TOMM20: variants seen among roughly 807,000 people sequenced by gnomAD.
TOMM20 encodes the protein translocase of outer mitochondrial membrane 20.
A neutral mutation model predicts 22.1 loss-of-function variants in TOMM20; 10 were observed. The ratio of observed to expected loss-of-function variants is 0.45; its 90% CI spans 0.28 to 0.77. The LOEUF is 0.77. Among genes scored for constraint, TOMM20 ranks in the 30% least tolerant of loss-of-function variants. The probability of loss-of-function intolerance (pLI) is 0.13; values close to 1 mark genes in which losing one functional copy is unlikely to be tolerated. For missense variants in TOMM20, 121 were observed against 172.2 expected (o/e 0.70, Z 1.66); for synonymous variants, 55 against 61.4 (o/e 0.90, Z 0.49).
In TOMM20 at chr1:235,117,067, A is replaced by G. The variant is rs183082964; in HGVS notation, c.250+2751T>C. On this transcript the variant is annotated intron_variant, in intron 3 of 4. Transcript: ENST00000366607. ...GGAGGATGACATGAACCAGGGAGGC[A>G]GAGCTTGCAGTGAGCGGAGATCGCG... Among the ~76,000 whole-genome samples, 815 of 130,476 alleles carry G rather than the reference A, an allele frequency of 6.2e-3. 3 individuals are homozygous for G. Among genetic ancestry groups the G allele is most frequent in the Non-Finnish European group, 8.6e-3 (544 of 63,476 alleles). 85.6% of individuals were successfully genotyped at this position (130,476 alleles called of 152,430 possible).
In TOMM20 at chr1:235,128,478, G is replaced by A. The variant is rs539660181; in HGVS notation, c.121+117C>T. On this transcript the variant is annotated intron_variant, in intron 1 of 4. Coordinates refer to ENST00000366607, the MANE Select transcript of TOMM20 (RefSeq NM_014765.3). ...CAGCCAGCGCCATCGCCTATTGAGG[G>A]CCGCACCACGCGGTCGCCCTGCGCG... 1.2e-4 allele frequency: 179 copies of A among 1,522,890 alleles called. 3 individuals are homozygous for A. The South Asian group carries it at 2.0e-3, about 17-fold the overall frequency. 94.3% of individuals were successfully genotyped at this position (1,522,890 alleles called of 1,614,324 possible). A position where few individuals can be genotyped will look rare whatever the true frequency, so the allele number is the denominator to read the frequency against.
At chr1:235,119,924 G>C (rs762418852) in intron 2 of TOMM20, 25 bp from the exon 3 acceptor site, 1 of 1,515,322 alleles carries the variant, frequency 6.6e-7, no homozygotes, top group East Asian at 2.3e-5. Flanking sequence ...TTTAATAAAT[G>C]ACACCACAAT....
chr1:235,117,039 G>A (rs923178388), intron 3 of TOMM20, among the ~76,000 whole-genome samples: 36 of 148,550 alleles, frequency 2.4e-4, no homozygotes, highest in African/African-American at 7.0e-4. Context: ...GGAGGCTGAG[G>A]CAGGAGGATG....
chr1:235,114,439 C>CT (rs67573955), intron 3 of TOMM20, among the ~76,000 whole-genome samples: 33,548 of 131,516 alleles, frequency 0.26, 4,807 homozygotes, highest in African/African-American at 0.37. Flanking sequence ...CTTATTTTTT[C>CT]TTTTTTTTTT....
intron 4 of TOMM20, among the ~76,000 whole-genome samples, chr1:235,112,453 C>G (rs984835254): frequency 7.2e-5 from 11 of 152,272 alleles, no homozygotes; most frequent in African/African-American, 2.2e-4. Flanking sequence ...GATCCTCCCC[C>G]ACCTCAGCCT....
Position 235,128,636 on chromosome 1 carries a change from T to C in TOMM20, c.80A>G (p.Lys27Arg). The C allele has an allele frequency of 1.2e-6, 2 of 1,613,670 alleles. No individual in the cohort carries two copies. Among genetic ancestry groups the C allele is most frequent in the East Asian group, 2.2e-5 (1 of 44,876 alleles). ...FIGYCIYFDR[K>R]RRSDPNFKNR... The stretch of plus-strand genomic sequence containing the variant: ...CTTGAAGTTGGGGTCACTTCGTCTT[T>C]TGCGGTCGAAGTAGATGCAGTACCC... Residue 27 changes from lysine (K) to arginine (R), a missense_variant, in exon 1 of 5, where the codon AAA (lysine) becomes AGA (arginine). By Grantham distance (26) the Lys-to-Arg change is conservative. Coordinates refer to ENST00000366607, the MANE Select transcript of TOMM20 (RefSeq NM_014765.3).
chr1:235,125,293 T>C (rs893996565), intron 1 of TOMM20, among the ~76,000 whole-genome samples: 1 of 152,116 alleles, frequency 6.6e-6, no homozygotes, highest in Non-Finnish European at 1.5e-5. Flanking sequence ...CGGCTCACTG[T>C]AAGCTCCGCC....
At chr1:235,126,996 T>C (rs1453244319) in intron 1 of TOMM20, among the ~76,000 whole-genome samples, 1 of 152,232 alleles carries the variant, frequency 6.6e-6, no homozygotes, top group African/African-American at 2.4e-5. Flanking sequence ...CAATTTTAGA[T>C]TGAAAATGAT....
chr1:235,127,850 C>T (rs1558131495), intron 1 of TOMM20: 1 of 518,978 alleles, frequency 1.9e-6, no homozygotes, highest in Non-Finnish European at 3.8e-6. Flanking sequence ...GAAGCGCAGC[C>T]CTTTGGACTC....
At chr1:235,119,042 T>G (rs1227084515) in intron 3 of TOMM20, among the ~76,000 whole-genome samples, 2 of 152,250 alleles carry the variant, frequency 1.3e-5, no homozygotes, top group Non-Finnish European at 2.9e-5. Context: ...CCCCACATCA[T>G]GTAGTTCAAT....
intron 4 of TOMM20, among the ~76,000 whole-genome samples, chr1:235,112,883 G>GTCT (rs1473886776): frequency 6.6e-6 from 1 of 152,156 alleles, no homozygotes; most frequent in Non-Finnish European, 1.5e-5. Context: ...TCTAGAACTA[G>GTCT]AACCACATTA....
rs1238347217 is a variant in TOMM20 at position 235,111,969 on chromosome 1, C to T, written c.*95G>A. The T allele has an allele frequency of 1.1e-6, 1 of 932,484 alleles. No homozygotes were observed. Among genetic ancestry groups the T allele is most frequent in the African/African-American group, 1.7e-5 (1 of 59,974 alleles). The allele number at this position is 932,484 out of a possible 1,614,324, so 57.8% of individuals were successfully genotyped here. On this transcript the variant is annotated 3_prime_UTR_variant, in exon 5 of 5. Coordinates refer to ENST00000366607, the MANE Select transcript of TOMM20 (RefSeq NM_014765.3). ...TGGTAGATTTCAGTGTAGTTCATAA[C>T]AAGCATATTTGCCCTTATTCCCCCA...
At chr1:235,114,766 CATATT>C (rs1464061924) in intron 3 of TOMM20, among the ~76,000 whole-genome samples, 1 of 152,036 alleles carries the variant, frequency 6.6e-6, no homozygotes, top group Non-Finnish European at 1.5e-5. Flanking sequence ...CTTCAATAGA[CATATT>C]ATGTTTGAAA....
Position 235,110,382 on chromosome 1 carries a change from A to C in TOMM20, c.*1682T>G, listed in dbSNP as rs1660719917. 1 of 152,122 alleles carries C rather than the reference A, an allele frequency of 6.6e-6. No individual in the cohort carries two copies. The highest frequency in any genetic ancestry group is 2.4e-5 in the African/African-American group (1 of 41,380). 9.4% of individuals were successfully genotyped at this position (152,122 alleles called of 1,614,324 possible). A position where few individuals can be genotyped will look rare whatever the true frequency, so the allele number is the denominator to read the frequency against. On this transcript the variant is annotated 3_prime_UTR_variant, in exon 5 of 5. Transcript: ENST00000366607. ...TCTGGGCTGCTGCCTAAGACTTCTT[A>C]GCTGCCTGGTTAGTCACTGACCAAT...
In TOMM20 at chr1:235,109,877, T is replaced by C. The variant is rs1660710843; in HGVS notation, c.*2187A>G. On this transcript the variant is annotated 3_prime_UTR_variant, in exon 5 of 5. Transcript: ENST00000366607. ...TTAGTTCACTGAGATCTGGGGTTTT[T>C]TTGTTCTCACCTGCTGAGCACCATT... 1 of 152,228 alleles carries C rather than the reference T, an allele frequency of 6.6e-6. No homozygotes were observed. Among genetic ancestry groups the C allele is most frequent in the African/African-American group, 2.4e-5 (1 of 41,448 alleles). 9.4% of individuals were successfully genotyped at this position (152,228 alleles called of 1,614,324 possible).
In TOMM20 at chr1:235,116,322, C is replaced by T. The variant is rs143170978; in HGVS notation, c.251-2412G>A. On this transcript the variant is annotated intron_variant, in intron 3 of 4. Coordinates refer to ENST00000366607, the MANE Select transcript of TOMM20 (RefSeq NM_014765.3). ...TTGGGAGGCTGAGGTGGGTGGATCA[C>T]GAGGTCAAAATATCGAGACCATCCT... Among the ~76,000 whole-genome samples the T allele has an allele frequency of 4.4e-3, 661 of 151,828 alleles. 9 individuals carry two copies. Among genetic ancestry groups the T allele is most frequent in the African/African-American group, 0.015 (623 of 41,366 alleles).
chr1:235,117,322 G>T (rs1028881876), intron 3 of TOMM20, among the ~76,000 whole-genome samples: 7 of 151,348 alleles, frequency 4.6e-5, no homozygotes, highest in African/African-American at 1.7e-4. Flanking sequence ...GCCGGGCTTG[G>T]TGGTGCATGC....
At position 235,112,098 on chromosome 1, in the gene TOMM20, C is replaced by G; in HGVS notation, c.404G>C (p.Ser135Thr). Reference protein sequence around the residue: ...KLPTISQRIVSAQSLAEDDVE With the variant: ...KLPTISQRIVTAQSLAEDDVE ...ATCATCTTCAGCCAAGCTCTGAGCACTTACAATTCTCTGAAAGAAAAAAAA... is the reference window on the plus strand; with the variant it reads ...ATCATCTTCAGCCAAGCTCTGAGCAGTTACAATTCTCTGAAAGAAAAAAAA... Residue 135 changes from serine (S) to threonine (T), a missense_variant, in exon 5 of 5, where the codon AGT becomes ACT. Ser to Thr is a moderately conservative substitution (Grantham distance 58, BLOSUM62 1). Transcript: ENST00000366607. The G allele has an allele frequency of 6.2e-7, 1 of 1,605,492 alleles. No homozygotes were observed. Among genetic ancestry groups the G allele is most frequent in the South Asian group, 1.1e-5 (1 of 88,940 alleles).
chr1:235,116,952 G>A lies in TOMM20; in HGVS notation c.250+2866C>T, dbSNP rs576498220. 6.1e-3 allele frequency among the ~76,000 whole-genome samples: 918 copies of A among 151,284 alleles called. 3 individuals carry two copies. The highest frequency in any genetic ancestry group is 0.017 in the South Asian group (80 of 4,792). ...AGATCGAGACCATCCTGGCTAACATGGTGAAACCCCGTCTCTACTAAAAAT... is the reference window on the plus strand; with the variant it reads ...AGATCGAGACCATCCTGGCTAACATAGTGAAACCCCGTCTCTACTAAAAAT... On this transcript the variant is annotated intron_variant, in intron 3 of 4. Coordinates refer to ENST00000366607, the MANE Select transcript of TOMM20 (RefSeq NM_014765.3).
Sources: allele counts gnomAD v4.1 joint callset (sites outside exome capture counted in the v4.1 genomes callset), GRCh38; gene constraint gnomAD v4.1.1; transcripts MANE v1.5; gene names NCBI Gene and HGNC (gene_info 2026-07-23, HGNC 2026-07-21).